SLC36A1: variants seen among roughly 807,000 people sequenced by gnomAD.
SLC36A1 encodes proton-coupled amino acid transporter 1.
SLC36A1 carries 30 observed loss-of-function variants against 47.5 expected under a neutral mutation model. That is an observed-to-expected ratio of 0.63 (90% CI 0.47 to 0.86). SLC36A1 has a LOEUF of 0.86. Ranked by LOEUF, SLC36A1 falls within the 40% of genes least tolerant of loss-of-function variation. The probability of loss-of-function intolerance (pLI) is 0.00; values close to 1 mark genes in which losing one functional copy is unlikely to be tolerated. For missense variants in SLC36A1, 517 were observed against 606.0 expected, an observed-to-expected ratio of 0.85 and a Z score of 1.54; for synonymous variants, 255 against 249.7, an observed-to-expected ratio of 1.02 and a Z score of -0.20.
chr5:151,444,104 G>A (rs1018496855), upstream of SLC36A1, among the ~76,000 whole-genome samples: 2 of 152,186 alleles, frequency 1.3e-5, no homozygotes, highest in Non-Finnish European at 2.9e-5. Flanking sequence ...GAAGTGTGAT[G>A]CATCCAGTTT....
downstream of SLC36A1, among the ~76,000 whole-genome samples, chr5:151,496,897 A>AT (rs1370621916): frequency 6.6e-6 from 1 of 152,130 alleles, no homozygotes; most frequent in Non-Finnish European, 1.5e-5. Flanking sequence ...TATAAATGGT[A>AT]TTTTTTATTC....
chr5:151,553,231 C>A, the SLC36A1 span: 1 of 1,614,256 alleles, frequency 6.2e-7, no homozygotes, highest in Admixed American at 1.7e-5. Flanking sequence ...ATGACCCCCA[C>A]CATGTGGTTC....
chr5:151,463,027 C>T (rs1051332782), intron 2 of SLC36A1, among the ~76,000 whole-genome samples: 14 of 152,190 alleles, frequency 9.2e-5, no homozygotes, highest in Admixed American at 7.2e-4. Flanking sequence ...AGGCACATGC[C>T]GCTATGCCTG....
chr5:151,511,896 A>G, the SLC36A1 span: 1 of 500,420 alleles, frequency 2.0e-6, no homozygotes, highest in Non-Finnish European at 3.6e-6. Context: ...AAGGTATGTG[A>G]TTAATTCAAC....
chr5:151,428,675 C>A, the SLC36A1 span, among the ~76,000 whole-genome samples: 1 of 152,148 alleles, frequency 6.6e-6, no homozygotes, highest in Non-Finnish European at 1.5e-5. Context: ...CTCTGTTGCC[C>A]AGACTGGAGT....
chr5:151,553,259 G>T, the SLC36A1 span: 1 of 1,614,258 alleles, frequency 6.2e-7, no homozygotes, highest in South Asian at 1.1e-5. Context: ...CCGTCTCCAT[G>T]ACCGTAAAGC....
In SLC36A1 at chr5:151,475,696, C is replaced by T. The variant is rs75001688; in HGVS notation, c.823-894C>T. 1.6e-3 allele frequency among the ~76,000 whole-genome samples: 240 copies of T among 152,306 alleles called. 5 individuals carry two copies. In the East Asian group the frequency reaches 0.044, roughly 28 times the overall value. ...GGACACTGGGGGCCCCTGGGAGCAC[C>T]AGGCCTGCAGCAGGATCATGTTGGT... On this transcript the variant is annotated intron_variant, in intron 8 of 10. Coordinates refer to ENST00000243389, the MANE Select transcript of SLC36A1 (RefSeq NM_078483.4).
upstream of SLC36A1, among the ~76,000 whole-genome samples, chr5:151,446,534 GA>G (rs1268881896): frequency 1.3e-4 from 19 of 147,098 alleles, no homozygotes; most frequent in African/African-American, 3.0e-4. Flanking sequence ...TTGTCTCAAA[GA>G]AAAAAAAAAG....
chr5:151,521,310 C>G, the SLC36A1 span: 1 of 1,611,966 alleles, frequency 6.2e-7, no homozygotes, highest in South Asian at 1.1e-5. Context: ...GGTGGTGCCG[C>G]GGGGTTAGGA....
At chr5:151,480,996 C>T (rs1026153527) in intron 10 of SLC36A1, among the ~76,000 whole-genome samples, 5 of 152,216 alleles carry the variant, frequency 3.3e-5, no homozygotes, top group African/African-American at 1.2e-4. Flanking sequence ...GAGCCTGACT[C>T]CTCTCCCTGC....
the SLC36A1 span, chr5:151,381,156 T>G: frequency 4.3e-6 from 2 of 467,268 alleles, no homozygotes; most frequent in African/African-American, 2.0e-5. Flanking sequence ...GCCATGGCTG[T>G]GTGGAAGGAG....
At chr5:151,554,251 G>A in the SLC36A1 span, 1 of 975,482 alleles carries the variant, frequency 1.0e-6, no homozygotes, top group Non-Finnish European at 1.5e-6. Flanking sequence ...CCAGGAAGGA[G>A]AGTACCATTT....
the SLC36A1 span, chr5:151,378,117 C>T: frequency 2.9e-6 from 1 of 346,912 alleles, no homozygotes. Flanking sequence ...CACATTGGTA[C>T]AAACATTGAT....
At chr5:151,507,636 G>A in the SLC36A1 span, 4 of 1,568,332 alleles carry the variant, frequency 2.6e-6, no homozygotes, top group South Asian at 1.2e-5. Flanking sequence ...TAGTCAGGGG[G>A]CCAAGTCATG....
chr5:151,477,814 C>T (rs1581193105), intron 9 of SLC36A1, among the ~76,000 whole-genome samples: 1 of 152,210 alleles, frequency 6.6e-6, no homozygotes, highest in African/African-American at 2.4e-5. Flanking sequence ...TGTCACCTTT[C>T]CCTGGAAGAT....
chr5:151,467,775 C>T lies in SLC36A1; in HGVS notation c.573C>T (p.Thr191=), dbSNP rs993751525. The T allele has an allele frequency of 1.2e-6, 2 of 1,613,932 alleles. No individual in the cohort carries two copies. Among genetic ancestry groups the T allele is most frequent in the Admixed American group, 1.7e-5 (1 of 59,992 alleles). Residue 191 remains threonine, a synonymous_variant, in exon 7 of 11, where the codon ACC becomes ACT. Transcript: ENST00000243389. ...ATGAGACGGTGATTCTGACGCCTAC[C>T]ATGGACTCGCGACTCTACATGCTCT... The part of the protein sequence containing the change: ...HNNETVILTP[T]MDSRLYMLSF...
At chr5:151,532,523 T>C in the SLC36A1 span, among the ~76,000 whole-genome samples, 1 of 152,220 alleles carries the variant, frequency 6.6e-6, no homozygotes, top group African/African-American at 2.4e-5. Flanking sequence ...ATTATCCTAC[T>C]GCTATGTAAG....
intron 1 of SLC36A1, among the ~76,000 whole-genome samples, chr5:151,437,623 C>T (rs1240494549): frequency 2.0e-5 from 3 of 152,066 alleles, no homozygotes; most frequent in Non-Finnish European, 4.4e-5. Context: ...CTTAAATTCT[C>T]GTACTTTACT....
chr5:151,385,562 A>G, the SLC36A1 span, among the ~76,000 whole-genome samples: 3 of 152,182 alleles, frequency 2.0e-5, no homozygotes, highest in South Asian at 6.2e-4. Flanking sequence ...AGTGGCCAGG[A>G]TGGGGCCAGG....
Sources: gnomAD v4.1 joint callset for allele counts (sites outside exome capture counted in the v4.1 genomes callset) on GRCh38, gnomAD v4.1.1 for gene constraint, MANE v1.5 for transcripts, NCBI Gene and HGNC (gene_info 2026-07-23, HGNC 2026-07-21) for gene names.